Variants in SPHK2 observed in about 807,000 individuals in gnomAD.
SPHK2 encodes sphingosine kinase 2.
A neutral mutation model predicts 32.3 loss-of-function variants in SPHK2; 18 were observed. The ratio of observed to expected loss-of-function variants is 0.56; its 90% confidence interval spans 0.39 to 0.83. The LOEUF (loss-of-function observed/expected upper bound fraction) is 0.83, where lower values mean the gene tolerates loss of function less well. Ranked by LOEUF, SPHK2 falls within the 40% of genes least tolerant of loss-of-function variation. The pLI is 0.00. For synonymous variants in SPHK2, 462 were observed against 417.6 expected (o/e 1.11, Z -1.30); for missense variants, 850 against 908.7 (o/e 0.94, Z 0.83).
At position 48,628,192 on chromosome 19, in the gene SPHK2, TG is replaced by T; in HGVS notation, c.790del (p.Glu264ArgfsTer4). 1 of 1,613,734 alleles carries T rather than the reference TG, an allele frequency of 6.2e-7. No individual in the cohort carries two copies. Among genetic ancestry groups the T allele is most frequent in the Non-Finnish European group, 8.5e-7 (1 of 1,179,926 alleles). On this transcript the variant is annotated frameshift_variant, in exon 6 of 7. Coordinates refer to ENST00000245222, the MANE Select transcript of SPHK2 (RefSeq NM_020126.5). LOFTEE classifies it high-confidence loss of function. This position sits in a 1 kb window ranked among gnomAD's most constrained non-coding sequence, Gnocchi z 5.2. ...GAACGGGCTCCTAGATCGCCCTGACTGGGAGGAAGCTGTGAAGATGCCTGTG... is the reference window on the plus strand; with the variant it reads ...GAACGGGCTCCTAGATCGCCCTGACTGGAGGAAGCTGTGAAGATGCCTGTG... ...VLNGLLDRPD[W>X]EEAVKMPVGI...
intron 2 of SPHK2, chr19:48,625,565 A>G (rs1974576698): frequency 7.4e-7 from 1 of 1,359,282 alleles, no homozygotes; most frequent in South Asian, 1.4e-5. Context: ...ATCTATTCCT[A>G]TGAAGGCAAG....
chr19:48,629,883 GC>G lies in SPHK2; in HGVS notation c.*114del. 6.9e-7 allele frequency: 1 copy of G among 1,454,192 alleles called. No individual in the cohort carries two copies. Among genetic ancestry groups the G allele is most frequent in the African/African-American group, 1.4e-5 (1 of 70,174 alleles). The allele number at this position is 1,454,192 out of a possible 1,614,324, so 90.1% of individuals were successfully genotyped here. A position where few individuals can be genotyped will look rare whatever the true frequency, so the allele number is the denominator to read the frequency against. On this transcript the variant is annotated 3_prime_UTR_variant, in exon 7 of 7. Transcript: ENST00000245222. ...TAGAGTTGTGGTGGCAGGGGCCCTGGCCCCGTCTCAGGATTGCGCTCGCTTT... is the reference window on the plus strand; with the variant it reads ...TAGAGTTGTGGTGGCAGGGGCCCTGGCCCGTCTCAGGATTGCGCTCGCTTT...
intron 2 of SPHK2, among the ~76,000 whole-genome samples, chr19:48,621,410 C>T (rs956235122): frequency 2.6e-5 from 4 of 151,918 alleles, no homozygotes; most frequent in Non-Finnish European, 4.4e-5. Context: ...GACTAGGTCT[C>T]CCTCTGTTGC....
In SPHK2 at chr19:48,629,803, C is replaced by T. The variant is rs1460536012; in HGVS notation, c.*30C>T. 2.0e-6 allele frequency: 3 copies of T among 1,529,206 alleles called. No individual in the cohort carries two copies. The highest frequency in any genetic ancestry group is 1.8e-6 in the Non-Finnish European group (2 of 1,136,758). 94.7% of individuals were successfully genotyped at this position (1,529,206 alleles called of 1,614,324 possible). ...AAACAAGCTTGGTACCCGCCGGGGG[C>T]GGGGCCTACATTCCAATGGGGCGGA... is the stretch of plus-strand genomic sequence containing the variant. On this transcript the variant is annotated 3_prime_UTR_variant, in exon 7 of 7. Transcript: ENST00000245222.
chr19:48,626,684 T>A, intron 3 of SPHK2: 1 of 229,282 alleles, frequency 4.4e-6, no homozygotes, highest in Non-Finnish European at 8.6e-6. Flanking sequence ...GGTGTGGTGC[T>A]GCGCACCTGT....
intron 4 of SPHK2, 31 bp from the exon 5 acceptor site, chr19:48,627,944 G>A: frequency 1.3e-6 from 2 of 1,567,856 alleles, no homozygotes; most frequent in Non-Finnish European, 1.7e-6. Context: ...GGGTGGGACA[G>A]CCTGCCTAAC....
chr19:48,619,725 A>G (rs1209073956), intron 1 of SPHK2, 182 bp downstream of exon 1: 1 of 159,006 alleles, frequency 6.3e-6, no homozygotes, highest in Non-Finnish European at 1.4e-5. Context: ...ACCTCAATCT[A>G]TAGCATCCTG....
rs1469592530 is a variant in SPHK2 at position 48,626,280 on chromosome 19, C to CGAAGAGAACCGT, written c.431_442dup (p.Glu144_Arg147dup). On this transcript the variant is annotated inframe_insertion, in exon 3 of 7. Coordinates refer to ENST00000245222, the MANE Select transcript of SPHK2 (RefSeq NM_020126.5). ...TCCGGGCAGATGGGGCCGCCACCTA[C>CGAAGAGAACCGT]GAAGAGAACCGTGCCGAGGCCCAGC... The CGAAGAGAACCGT allele has an allele frequency of 1.3e-6, 2 of 1,594,542 alleles. No individual in the cohort carries two copies. The highest frequency in any genetic ancestry group is 1.7e-6 in the Non-Finnish European group (2 of 1,177,704).
In SPHK2 at chr19:48,627,989, G is replaced by A. The variant is rs766472809; in HGVS notation, c.676G>A (p.Ala226Thr). ...NLIQTERQNH[A>T]RELVQGLSLS... The stretch of plus-strand genomic sequence containing the variant: ...TCCCACTTCAGAACGACAGAACCAC[G>A]CCCGGGAGCTGGTCCAGGGGCTGAG... Residue 226 changes from alanine (A) to threonine (T), a missense_variant, in exon 5 of 7, where the codon GCC becomes ACC. Ala to Thr is a moderately conservative substitution (Grantham distance 58, BLOSUM62 0). This residue lies in a region of SPHK2 where 544 missense variants were observed against 640.0 expected (regional missense o/e 0.85). Coordinates refer to ENST00000245222, the MANE Select transcript of SPHK2 (RefSeq NM_020126.5). The A allele has an allele frequency of 8.8e-6, 14 of 1,586,506 alleles. No homozygotes were observed. Among genetic ancestry groups the A allele is most frequent in the East Asian group, 2.2e-5 (1 of 44,476 alleles).
chr19:48,624,429 G>A (rs1974526163), intron 2 of SPHK2: 1 of 152,568 alleles, frequency 6.6e-6, no homozygotes, highest in African/African-American at 2.4e-5. Flanking sequence ...AGGACCCGGC[G>A]TGTGAGGAGG....
rs529136431 is a variant in SPHK2 at position 48,622,268 on chromosome 19, A to T, written c.39+1715A>T. On this transcript the variant is annotated intron_variant, in intron 2 of 6. Transcript: ENST00000245222. ...AGCGAAACTCCGTCTCAAAAAAAAA[A>T]AAAATAAAAAAAAATAAAGGACTCA... Among the ~76,000 whole-genome samples the T allele has an allele frequency of 4.7e-4, 69 of 146,538 alleles. 1 individual carries two copies. The East Asian group carries it at 0.011, about 23-fold the overall frequency.
At position 48,626,324 on chromosome 19, in the gene SPHK2, C is replaced by A. The variant is rs1201940659; in HGVS notation, c.473C>A (p.Thr158Asn). Residue 158 changes from threonine to asparagine, a missense_variant, in exon 3 of 7, where the codon ACC (threonine) becomes AAC (asparagine). Thr to Asn is a moderately conservative substitution (Grantham distance 65, BLOSUM62 0). Around this residue, in one of 2 missense-constraint regions of SPHK2, gnomAD observed 544 missense variants for 640.0 expected, o/e 0.85. Coordinates refer to ENST00000245222, the MANE Select transcript of SPHK2 (RefSeq NM_020126.5). ...AEAQRWATAL[T>N]CLLRGLPLPG... Reference sequence around the variant, plus strand: ...GCCCAGCGCTGGGCCACTGCCCTCACCTGTCTGCTCCGAGGACTGCCACTG... The same window carrying A: ...GCCCAGCGCTGGGCCACTGCCCTCAACTGTCTGCTCCGAGGACTGCCACTG... 4 of 1,595,176 alleles carry A rather than the reference C, an allele frequency of 2.5e-6. No individual in the cohort carries two copies. The highest frequency in any genetic ancestry group is 3.4e-6 in the Non-Finnish European group (4 of 1,178,436).
In SPHK2 at chr19:48,629,818, A is replaced by G. The variant is rs1428873477; in HGVS notation, c.*45A>G. On this transcript the variant is annotated 3_prime_UTR_variant, in exon 7 of 7. Transcript: ENST00000245222. ...CCGCCGGGGGCGGGGCCTACATTCC[A>G]ATGGGGCGGAGCCTGAGCTAGGGGG... 1 of 1,519,368 alleles carries G rather than the reference A, an allele frequency of 6.6e-7. No individual in the cohort carries two copies. The highest frequency in any genetic ancestry group is 1.4e-5 in the African/African-American group (1 of 72,038). 94.1% of individuals were successfully genotyped at this position (1,519,368 alleles called of 1,614,324 possible). A position where few individuals can be genotyped will look rare whatever the true frequency, so the allele number is the denominator to read the frequency against.
Position 48,628,732 on chromosome 19 carries a change from G to C in SPHK2, c.924G>C (p.Leu308=). ...LDLLLNCSLL[L]CRGGGHPLDL... is the part of the protein sequence containing the mutation. ...TGTTGCTCAACTGCTCACTGTTGCT[G>C]TGCCGGGGTGGTGGCCACCCACTGG... The change falls in exon 7 of 7, where the codon CTG becomes CTC. Residue 308 remains leucine (L), a synonymous_variant. Coordinates refer to ENST00000245222, the MANE Select transcript of SPHK2 (RefSeq NM_020126.5). This position sits in a 1 kb window ranked among gnomAD's most constrained non-coding sequence, Gnocchi z 5.2. 6.2e-7 allele frequency: 1 copy of C among 1,613,098 alleles called. No homozygotes were observed. The highest frequency in any genetic ancestry group is 1.3e-5 in the African/African-American group (1 of 75,048).
chr19:48,627,624 G>A, intron 3 of SPHK2, 68 bp from the exon 4 acceptor site: 1 of 1,506,774 alleles, frequency 6.6e-7, no homozygotes, highest in Non-Finnish European at 8.9e-7. Context: ...GGGGGCTGAT[G>A]AAGGGACTGT....
In SPHK2 at chr19:48,626,091, C is replaced by T; in HGVS notation, c.240C>T (p.Arg80=). ...TSQALHIQRL[R]PKPEARPRGG... ...AGGCCCTGCACATACAGCGGCTGCG[C>T]CCCAAACCTGAAGCCAGGCCCCGGG... Residue 80 remains arginine (R), a synonymous_variant, in exon 3 of 7, where the codon CGC becomes CGT. Coordinates refer to ENST00000245222, the MANE Select transcript of SPHK2 (RefSeq NM_020126.5). The T allele has an allele frequency of 1.2e-6, 2 of 1,612,426 alleles. No individual in the cohort carries two copies. Among genetic ancestry groups the T allele is most frequent in the East Asian group, 2.2e-5 (1 of 44,834 alleles).
Position 48,628,285 on chromosome 19 carries a change from G to C in SPHK2, c.872+8G>C. The C allele has an allele frequency of 6.2e-7, 1 of 1,612,108 alleles. No individual in the cohort carries two copies. The highest frequency in any genetic ancestry group is 8.5e-7 in the Non-Finnish European group (1 of 1,179,206). On this transcript the variant is annotated splice_region_variant and intron_variant, in intron 6 of 6. Transcript: ENST00000245222. The surrounding 1 kb of genome is among the most constrained non-coding windows in gnomAD (Gnocchi z 5.2). ...AGTGAACCAGCACGGGGGGTAGGTT[G>C]AGGATACCACGAAGGGAGGGATGAG... is the stretch of plus-strand genomic sequence containing the variant.
In SPHK2 at chr19:48,628,732, G is replaced by A; in HGVS notation, c.924G>A (p.Leu308=). ...TGTTGCTCAACTGCTCACTGTTGCT[G>A]TGCCGGGGTGGTGGCCACCCACTGG... The part of the protein sequence containing the change: ...LDLLLNCSLL[L]CRGGGHPLDL... Residue 308 remains leucine, a synonymous_variant, in exon 7 of 7, where the codon CTG becomes CTA. Coordinates refer to ENST00000245222, the MANE Select transcript of SPHK2 (RefSeq NM_020126.5). The surrounding 1 kb of genome is among the most constrained non-coding windows in gnomAD (Gnocchi z 5.2). The A allele has an allele frequency of 4.3e-6, 7 of 1,613,098 alleles. No individual in the cohort carries two copies. The highest frequency in any genetic ancestry group is 4.0e-5 in the African/African-American group (3 of 75,048).
Position 48,628,229 on chromosome 19 carries a change from C to A in SPHK2, c.824C>A (p.Pro275His). 1 of 1,613,774 alleles carries A rather than the reference C, an allele frequency of 6.2e-7. No homozygotes were observed. Among genetic ancestry groups the A allele is most frequent in the South Asian group, 1.1e-5 (1 of 91,076 alleles). The change falls in exon 6 of 7, where the codon CCC becomes CAC. Residue 275 changes from proline (P) to histidine (H), a missense_variant. By Grantham distance (77) the Pro-to-His change is moderately conservative. Around this residue, in one of 2 missense-constraint regions of SPHK2, gnomAD observed 544 missense variants for 640.0 expected, o/e 0.85. Coordinates refer to ENST00000245222, the MANE Select transcript of SPHK2 (RefSeq NM_020126.5). This position sits in a 1 kb window ranked among gnomAD's most constrained non-coding sequence, Gnocchi z 5.2. ...EAVKMPVGIL[P>H]CGSGNALAGA... ...GTGAAGATGCCTGTGGGCATCCTCC[C>A]CTGCGGCTCGGGCAACGCGCTGGCC...
Sources: allele counts gnomAD v4.1 joint callset (sites outside exome capture counted in the v4.1 genomes callset), GRCh38; gene constraint gnomAD v4.1.1; regional missense constraint gnomAD v4.1.1; non-coding constraint Gnocchi (gnomAD v3.1); transcripts MANE v1.5; gene names NCBI Gene and HGNC (gene_info 2026-07-23, HGNC 2026-07-21).